The following SYNE2 variants were observed in gnomAD, a reference collection of about 807,000 sequenced individuals.
SYNE2 encodes the protein nesprin-2.
A neutral mutation model predicts 856.3 loss-of-function variants in SYNE2; 431 were observed. The observed-to-expected ratio is 0.50, with a 90% CI of 0.47 to 0.55. The LOEUF is 0.55. Ranked by LOEUF, SYNE2 falls within the 20% of genes least tolerant of loss-of-function variation. The pLI is 0.00. For synonymous variants in SYNE2, 2,923 were observed against 2,872.3 expected, an observed-to-expected ratio of 1.02 and a Z score of -0.56; for missense variants, 8,129 against 8,023.2, an observed-to-expected ratio of 1.01 and a Z score of -0.50.
intron 1 of SYNE2, among the ~76,000 whole-genome samples, chr14:63,816,033 C>T (rs1445304589): frequency 6.7e-6 from 1 of 148,700 alleles, no homozygotes; most frequent in Non-Finnish European, 1.5e-5. Context: ...ACTGCAACCT[C>T]TGCCTCCTGG....
chr14:64,166,933 GA>G (rs1302122207), intron 90 of SYNE2: 17 of 382,772 alleles, frequency 4.4e-5, no homozygotes, highest in Non-Finnish European at 5.9e-5. Flanking sequence ...ACTCCATTCC[GA>G]AAAATAAAAA....
intron 10 of SYNE2, among the ~76,000 whole-genome samples, chr14:63,966,970 A>G (rs2096401905): frequency 6.6e-6 from 1 of 151,830 alleles, no homozygotes; most frequent in East Asian, 1.9e-4. Flanking sequence ...GGTTCAAGCG[A>G]TTCTCCTGCC....
At chr14:64,172,941 A>T (rs1043271477) in intron 94 of SYNE2, among the ~76,000 whole-genome samples, 4 of 152,088 alleles carry the variant, frequency 2.6e-5, no homozygotes, top group Non-Finnish European at 5.9e-5. Context: ...CTGGAAAAAA[A>T]AAAAAAGGTT....
intron 1 of SYNE2, among the ~76,000 whole-genome samples, chr14:63,818,036 A>AC (rs1235045035): frequency 6.7e-6 from 1 of 149,354 alleles, no homozygotes; most frequent in African/African-American, 2.5e-5. Flanking sequence ...AAAAAAAAAA[A>AC]AAAAAAAAAA....
intron 57 of SYNE2, chr14:64,084,424 CCCT>C (rs2097545171): frequency 6.6e-6 from 1 of 152,636 alleles, no homozygotes; most frequent in Non-Finnish European, 1.5e-5. Context: ...CTGTCTTCAA[CCCT>C]AGGTGATCAC....
intron 8 of SYNE2, chr14:63,960,687 C>A (rs1342551078): frequency 1.4e-6 from 1 of 736,620 alleles, no homozygotes; most frequent in Admixed American, 1.8e-5. Context: ...TTGTCTGTGA[C>A]ATATTGCATT....
rs149614370 is a variant in SYNE2, at chr14:64,114,476, A to G, written c.12840+905A>G. On this transcript the variant is annotated intron_variant, in intron 66 of 115. Transcript: ENST00000555002. ...GGAGCGTTTCCTGCTGTAGCCTGTT[A>G]TGTTGTTGTGGGAAGCCTGCCTTTG... Among the ~76,000 whole-genome samples, 72 of 152,114 alleles carry G rather than the reference A, an allele frequency of 4.7e-4. 2 individuals are homozygous for G. In the East Asian group the frequency reaches 9.9e-3, roughly 21 times the overall value.
intron 1 of SYNE2, among the ~76,000 whole-genome samples, chr14:63,872,273 A>T (rs565219297): frequency 5.5e-4 from 83 of 151,808 alleles, no homozygotes; most frequent in African/African-American, 1.9e-3. Context: ...TACTAAAAAT[A>T]AAAAAAATTA....
In SYNE2 at chr14:63,961,627, T is replaced by C. The variant is rs753301123; in HGVS notation, c.888+2T>C. On this transcript the variant is annotated splice_donor_variant, in intron 9 of 115. Coordinates refer to ENST00000555002, the MANE Select transcript of SYNE2 (RefSeq NM_182914.3). LOFTEE classifies it high-confidence loss of function. ...CCTGGGACTGGAGAGGAGGCTCAGGTATGTTTTCATATGCATAAATCAAGC... is the reference window on the plus strand; with the variant it reads ...CCTGGGACTGGAGAGGAGGCTCAGGCATGTTTTCATATGCATAAATCAAGC... 1 of 1,590,592 alleles carries C rather than the reference T, an allele frequency of 6.3e-7. No homozygotes were observed. The highest frequency in any genetic ancestry group is 8.6e-7 in the Non-Finnish European group (1 of 1,158,744).
chr14:63,981,016 A>C lies in SYNE2; in HGVS notation c.1679A>C (p.Tyr560Ser). Reference protein sequence around the residue: ...AGECQNINKQYMMVKSDVCMY... With the variant: ...AGECQNINKQSMMVKSDVCMY... Reference sequence around the variant, plus strand: ...GAATGTCAGAATATTAATAAACAGTATATGATGGTGAAATCTGATGTTTGT... The same window carrying C: ...GAATGTCAGAATATTAATAAACAGTCTATGATGGTGAAATCTGATGTTTGT... Residue 560 changes from tyrosine to serine, a missense_variant, in exon 16 of 116, where the codon TAT becomes TCT. Transcript: ENST00000555002. 1.9e-6 allele frequency: 3 copies of C among 1,569,198 alleles called. No homozygotes were observed. Among genetic ancestry groups the C allele is most frequent in the Non-Finnish European group, 2.6e-6 (3 of 1,140,354 alleles).
At position 64,079,846 on chromosome 14, in the gene SYNE2, C is replaced by T. The variant is rs200296407; in HGVS notation, c.11164-610C>T. On this transcript the variant is annotated intron_variant, in intron 55 of 115. Coordinates refer to ENST00000555002, the MANE Select transcript of SYNE2 (RefSeq NM_182914.3). ...ACCTCAGTCTCCCAAGTAGATGAGACTGCAGGTGTGCGCCACTACACCTGG... is the reference window on the plus strand; with the variant it reads ...ACCTCAGTCTCCCAAGTAGATGAGATTGCAGGTGTGCGCCACTACACCTGG... Among the ~76,000 whole-genome samples the T allele has an allele frequency of 1.1e-4, 17 of 152,268 alleles. No individual in the cohort carries two copies. The East Asian group carries it at 3.3e-3, about 29-fold the overall frequency.
At position 63,809,087 on chromosome 14, in the gene SYNE2, G is replaced by A. The variant is rs182010390; in HGVS notation, c.-304-43414G>A. Among the ~76,000 whole-genome samples, 629 of 152,234 alleles carry A rather than the reference G, an allele frequency of 4.1e-3. 9 individuals are homozygous for A. Among genetic ancestry groups the A allele is most frequent in the African/African-American group, 0.014 (591 of 41,544 alleles). On this transcript the variant is annotated intron_variant, in intron 1 of 23. Transcript: ENST00000674003. ...AGGTCACACTGAACTTGGCTGCTTT[G>A]CTGGGTTTTGGATGTTTGGGTGGAC...
intron 100 of SYNE2, among the ~76,000 whole-genome samples, chr14:64,204,958 C>CT (rs1436387284): frequency 1.3e-5 from 2 of 152,140 alleles, no homozygotes; most frequent in East Asian, 3.8e-4. Context: ...ACCCACATTG[C>CT]TTGGCTCACA....
Position 63,807,819 on chromosome 14 carries a change from T to TTATATATATATATA in SYNE2, c.-304-44649_-304-44636dup, listed in dbSNP as rs71120288. ...ACAGGCATGAACTACTACTCCAGGC[T>TTATATATATATATA]TATATATATATATATATATATATAT... On this transcript the variant is annotated intron_variant, in intron 1 of 23. Coordinates refer to the SYNE2 transcript ENST00000674003. Among the ~76,000 whole-genome samples, 220 of 25,432 alleles carry TTATATATATATATA rather than the reference T, an allele frequency of 8.7e-3. 10 individuals are homozygous for TTATATATATATATA. The highest frequency in any genetic ancestry group is 0.031 in the Middle Eastern group (1 of 32). The allele number at this position is 25,432 out of a possible 152,430, so 16.7% of individuals were successfully genotyped here.
At chr14:64,111,804 A>T (rs1270892802) in intron 65 of SYNE2, among the ~76,000 whole-genome samples, 1 of 152,036 alleles carries the variant, frequency 6.6e-6, no homozygotes, top group Non-Finnish European at 1.5e-5. Flanking sequence ...CCCAAGAAGA[A>T]AAAAAAAGGT....
At chr14:64,081,319 TG>T in intron 56 of SYNE2, 123 bp from the exon 57 acceptor site, 1 of 1,184,000 alleles carries the variant, frequency 8.4e-7, no homozygotes, top group Non-Finnish European at 1.3e-6. Flanking sequence ...GCCCCAGCCA[TG>T]GGGAGCAGAC....
intron 1 of SYNE2, among the ~76,000 whole-genome samples, chr14:63,823,270 C>T (rs141002745): frequency 0.021 from 3,201 of 152,042 alleles, 46 homozygotes; most frequent in Middle Eastern, 0.065. Context: ...CCTCCACCTC[C>T]CAGGTTCAAG....
At position 64,071,004 on chromosome 14, in the gene SYNE2, C is replaced by A; in HGVS notation, c.10697+94C>A. The A allele has an allele frequency of 2.3e-6, 3 of 1,318,106 alleles. 1 individual carries two copies. The highest frequency in any genetic ancestry group is 2.5e-5 in the South Asian group (2 of 80,530). 81.7% of individuals were successfully genotyped at this position (1,318,106 alleles called of 1,614,324 possible). A position where few individuals can be genotyped will look rare whatever the true frequency, so the allele number is the denominator to read the frequency against. On this transcript the variant is annotated intron_variant, in intron 52 of 115. Transcript: ENST00000555002. ...AAGTATAGAATAATGGCAAATGATA[C>A]AATAGAATTGAGGTGAGACAACACT...
chr14:63,939,306 G>A (rs1003240536), intron 2 of SYNE2, among the ~76,000 whole-genome samples: 1 of 151,544 alleles, frequency 6.6e-6, no homozygotes, highest in Non-Finnish European at 1.5e-5. Flanking sequence ...TACTCTGAGG[G>A]TTCAGGTCTT....
Sources: allele counts gnomAD v4.1 joint callset (sites outside exome capture counted in the v4.1 genomes callset), GRCh38; gene constraint gnomAD v4.1.1; transcripts MANE v1.5; gene names NCBI Gene and HGNC (gene_info 2026-07-23, HGNC 2026-07-21).